Variants in GLIS3 observed in about 807,000 individuals in gnomAD.
GLIS3 encodes the protein zinc finger protein GLIS3.
GLIS3 carries 53 observed loss-of-function variants against 78.6 expected under a neutral mutation model. The ratio of observed to expected loss-of-function variants is 0.67; its 90% CI spans 0.54 to 0.85. GLIS3 has a LOEUF of 0.85. GLIS3 is among the 40% of genes least tolerant of loss of function. The pLI, the probability that GLIS3 is intolerant of heterozygous loss-of-function variation, is 0.00. For missense variants in GLIS3, 1,703 were observed against 1,231.1 expected, an observed-to-expected ratio of 1.38 and a Z score of -5.74; for synonymous variants, 684 against 509.9, an observed-to-expected ratio of 1.34 and a Z score of -4.60.
intron 2 of GLIS3, among the ~76,000 whole-genome samples, chr9:4,206,735 T>A (rs1164230810): frequency 1.3e-5 from 2 of 152,212 alleles, no homozygotes; most frequent in East Asian, 3.8e-4. Context: ...TGGTAACGGT[T>A]TGAATGAAAA....
chr9:4,278,429 C>G (rs566665995), intron 2 of GLIS3, among the ~76,000 whole-genome samples: 1 of 152,250 alleles, frequency 6.6e-6, no homozygotes, highest in East Asian at 1.9e-4. Context: ...TTAATGGGAA[C>G]ATGTCATAAA....
chr9:4,227,557 C>G (rs545282960), intron 2 of GLIS3, among the ~76,000 whole-genome samples: 1 of 152,234 alleles, frequency 6.6e-6, no homozygotes, highest in Non-Finnish European at 1.5e-5. Context: ...TGAGTATCTC[C>G]TATTGACTGC....
intron 9 of GLIS3, among the ~76,000 whole-genome samples, chr9:3,838,113 A>C (rs1009318709): frequency 1.4e-4 from 22 of 152,062 alleles, no homozygotes; most frequent in Admixed American, 2.6e-4. Context: ...TCTGTATTAT[A>C]TGCCTTCCCC....
At chr9:4,474,986 TTTTTTTTTC>T in the GLIS3 span, among the ~76,000 whole-genome samples, 20 of 70,296 alleles carry the variant, frequency 2.8e-4, 1 homozygote, top group South Asian at 9.0e-4. Context: ...ACTATGTTAA[TTTTTTTTTC>T]TTTTTTTTTT....
intron 4 of GLIS3, among the ~76,000 whole-genome samples, chr9:3,980,358 G>C (rs1034233595): frequency 9.2e-5 from 14 of 152,194 alleles, no homozygotes; most frequent in African/African-American, 2.9e-4. Context: ...CACACTCGAC[G>C]TAAGTGGCAG....
chr9:3,868,328 A>G (rs1211541887), intron 8 of GLIS3, among the ~76,000 whole-genome samples: 9 of 152,146 alleles, frequency 5.9e-5, no homozygotes, highest in Non-Finnish European at 1.3e-4. Context: ...TTAGCTCTCT[A>G]ATTTTCAGAT....
intron 2 of GLIS3, among the ~76,000 whole-genome samples, chr9:4,235,666 G>T (rs1009695676): frequency 6.6e-6 from 1 of 152,110 alleles, no homozygotes; most frequent in East Asian, 1.9e-4. Context: ...ATAAATGCAA[G>T]TGTCAGTGTG....
the GLIS3 span, among the ~76,000 whole-genome samples, chr9:4,418,946 C>T: frequency 1.3e-5 from 2 of 152,244 alleles, no homozygotes; most frequent in East Asian, 1.9e-4. Context: ...CTGTGAAGTG[C>T]AATCAACTCA....
chr9:4,363,066 G>C, the GLIS3 span, among the ~76,000 whole-genome samples: 1 of 152,112 alleles, frequency 6.6e-6, no homozygotes, highest in Non-Finnish European at 1.5e-5. Flanking sequence ...AGTTCCATTA[G>C]GCCCAAGAGA....
In GLIS3 at chr9:3,936,986, C is replaced by T. The variant is rs576229814; in HGVS notation, c.1872+42G>A. 16 of 1,611,576 alleles carry T rather than the reference C, an allele frequency of 9.9e-6. No homozygotes were observed. In the South Asian group the frequency reaches 1.4e-4, roughly 14 times the overall value. On this transcript the variant is annotated intron_variant, in intron 5 of 10. Transcript: ENST00000381971. ...CTATCAAGCAGGCACTTCCTCACACCAGGCGCTGGGTTGGAAACTGGAAAG... is the reference window on the plus strand; with the variant it reads ...CTATCAAGCAGGCACTTCCTCACACTAGGCGCTGGGTTGGAAACTGGAAAG...
intron 2 of GLIS3, among the ~76,000 whole-genome samples, chr9:4,197,795 T>A (rs558130511): frequency 1.3e-5 from 2 of 152,278 alleles, no homozygotes; most frequent in South Asian, 4.1e-4. Context: ...CTGCGCCATC[T>A]ACTGGCTTGT....
At chr9:4,150,903 G>T (rs1288549413) in intron 2 of GLIS3, 1 of 152,172 alleles carries the variant, frequency 6.6e-6, no homozygotes, top group Non-Finnish European at 1.5e-5. Flanking sequence ...CTTTTTTGGG[G>T]CTGTCAGTTA....
At chr9:3,965,679 T>G (rs1238941308) in intron 4 of GLIS3, among the ~76,000 whole-genome samples, 1 of 152,172 alleles carries the variant, frequency 6.6e-6, no homozygotes, top group East Asian at 1.9e-4. Context: ...AAGGCGCTGC[T>G]TCCAAACCCC....
At chr9:4,173,313 C>A (rs1208687179) in intron 2 of GLIS3, among the ~76,000 whole-genome samples, 1 of 152,174 alleles carries the variant, frequency 6.6e-6, no homozygotes, top group Non-Finnish European at 1.5e-5. Context: ...CAATTATGCT[C>A]AAGCTTCAGG....
At chr9:4,372,250 G>A in the GLIS3 span, among the ~76,000 whole-genome samples, 1 of 152,136 alleles carries the variant, frequency 6.6e-6, no homozygotes, top group African/African-American at 2.4e-5. Flanking sequence ...GATGGGCTTG[G>A]TTTAATGCTT....
the GLIS3 span, among the ~76,000 whole-genome samples, chr9:4,433,777 G>T: frequency 2.6e-5 from 4 of 152,216 alleles, no homozygotes; most frequent in African/African-American, 9.7e-5. Flanking sequence ...GCTTCCACTT[G>T]CTAGTGGTGT....
At chr9:4,400,370 G>A in the GLIS3 span, among the ~76,000 whole-genome samples, 1 of 151,286 alleles carries the variant, frequency 6.6e-6, no homozygotes, top group Non-Finnish European at 1.5e-5. Flanking sequence ...TTATGAAGTT[G>A]TAAAAATAAG....
intron 2 of GLIS3, among the ~76,000 whole-genome samples, chr9:4,186,434 T>C (rs1817804068): frequency 6.6e-6 from 1 of 152,046 alleles, no homozygotes; most frequent in African/African-American, 2.4e-5. Flanking sequence ...GTCTTTGCTG[T>C]TGTGAATAGT....
At chr9:3,881,722 A>G (rs1409915037) in intron 7 of GLIS3, among the ~76,000 whole-genome samples, 1 of 152,152 alleles carries the variant, frequency 6.6e-6, no homozygotes, top group African/African-American at 2.4e-5. Flanking sequence ...TATATTCCAT[A>G]TTGATAAGTG....
Sources: gnomAD v4.1 joint callset for allele counts (sites outside exome capture counted in the v4.1 genomes callset) on GRCh38, gnomAD v4.1.1 for gene constraint, MANE v1.5 for transcripts, NCBI Gene and HGNC (gene_info 2026-07-23, HGNC 2026-07-21) for gene names.